The following CADPS2 variants were observed in gnomAD, a reference collection of about 807,000 sequenced individuals.
CADPS2 encodes the protein calcium dependent secretion activator 2.
In CADPS2, 93 loss-of-function variants were observed where a neutral mutation model predicts 172.5. That is an observed-to-expected ratio of 0.54 (90% CI 0.46 to 0.64). The LOEUF (loss-of-function observed/expected upper bound fraction) is 0.64, where lower values mean the gene tolerates loss of function less well. Ranked by LOEUF, CADPS2 falls within the 30% of genes least tolerant of loss-of-function variation. The pLI is 0.00. For missense variants in CADPS2, 1,420 were observed against 1,565.9 expected (o/e 0.91, Z 1.57); for synonymous variants, 546 against 555.2 (o/e 0.98, Z 0.23).
chr7:122,843,925 C>CA (rs1277656132), intron 1 of CADPS2, among the ~76,000 whole-genome samples: 1 of 152,098 alleles, frequency 6.6e-6, no homozygotes, highest in Non-Finnish European at 1.5e-5. Context: ...AGAGGCCCAA[C>CA]AAAAAGGGAA....
chr7:122,744,219 ACC>A (rs1230936023), intron 1 of CADPS2, among the ~76,000 whole-genome samples: 2 of 152,108 alleles, frequency 1.3e-5, no homozygotes, highest in Non-Finnish European at 2.9e-5. Flanking sequence ...CTGAAGTTTC[ACC>A]TTGATTCATG....
chr7:122,637,023 C>T (rs1368128647), intron 3 of CADPS2, among the ~76,000 whole-genome samples: 1 of 151,014 alleles, frequency 6.6e-6, no homozygotes, highest in Non-Finnish European at 1.5e-5. Flanking sequence ...TCATATTTCT[C>T]AAGGGTTTTA....
chr7:122,832,864 G>A (rs1053603519), intron 1 of CADPS2, among the ~76,000 whole-genome samples: 4 of 152,154 alleles, frequency 2.6e-5, no homozygotes, highest in African/African-American at 9.7e-5. Flanking sequence ...CTGAGAATGA[G>A]AGACTGCTGG....
chr7:122,527,617 A>AGAGAGAGAGAGAGAGAGAGAGTGTGT, intron 8 of CADPS2, among the ~76,000 whole-genome samples: 5 of 83,804 alleles, frequency 6.0e-5, no homozygotes, highest in Admixed American at 1.3e-4. Flanking sequence ...AGAGAGAGAG[A>AGAGAGAGAGAGAGAGAGAGAGTGTGT]GTGTGTGTGT....
intron 25 of CADPS2, among the ~76,000 whole-genome samples, chr7:122,373,111 C>T (rs2041962084): frequency 6.6e-6 from 1 of 152,114 alleles, no homozygotes; most frequent in African/African-American, 2.4e-5. Flanking sequence ...GTAGGTACTT[C>T]ATAACTCTTT....
intron 1 of CADPS2, among the ~76,000 whole-genome samples, chr7:122,826,058 C>T (rs1458529032): frequency 2.0e-5 from 3 of 152,164 alleles, no homozygotes; most frequent in Non-Finnish European, 4.4e-5. Context: ...AACTTCAGGT[C>T]CCATACAGCA....
At chr7:122,562,112 C>T (rs1038150779) in intron 7 of CADPS2, among the ~76,000 whole-genome samples, 4 of 152,188 alleles carry the variant, frequency 2.6e-5, no homozygotes, top group African/African-American at 9.6e-5. Context: ...ATGAAACTTT[C>T]ATCCTTCCAT....
intron 1 of CADPS2, among the ~76,000 whole-genome samples, chr7:122,866,775 T>C (rs568889410): frequency 9.8e-5 from 15 of 152,328 alleles, no homozygotes; most frequent in African/African-American, 3.4e-4. Flanking sequence ...GACAAAGAGA[T>C]GTTTTTAGAA....
chr7:122,446,945 C>T (rs1190802001), intron 15 of CADPS2, among the ~76,000 whole-genome samples: 1 of 151,574 alleles, frequency 6.6e-6, no homozygotes, highest in African/African-American at 2.4e-5. Flanking sequence ...ATATTTTTTC[C>T]CATTTTTGGG....
At chr7:122,397,966 G>A (rs1196836083) in intron 20 of CADPS2, among the ~76,000 whole-genome samples, 2 of 152,138 alleles carry the variant, frequency 1.3e-5, no homozygotes, top group Non-Finnish European at 2.9e-5. Flanking sequence ...TTCCCGAAAA[G>A]ATTCCATGTT....
In CADPS2 at chr7:122,465,350, T is replaced by C. The variant is rs1290516640; in HGVS notation, c.2186+6025A>G. Among the ~76,000 whole-genome samples the C allele has an allele frequency of 2.6e-5, 4 of 152,164 alleles. No individual in the cohort carries two copies. In the East Asian group the frequency reaches 7.7e-4, roughly 29 times the overall value. ...ATAAACTACAACAGTTAAAAATCTTTCCACAAATAAATTCCCAAGCCCAGA... is the reference window on the plus strand; with the variant it reads ...ATAAACTACAACAGTTAAAAATCTTCCCACAAATAAATTCCCAAGCCCAGA... On this transcript the variant is annotated intron_variant, in intron 14 of 29. Coordinates refer to ENST00000449022, the MANE Select transcript of CADPS2 (RefSeq NM_017954.11).
intron 28 of CADPS2, among the ~76,000 whole-genome samples, chr7:122,334,243 A>G (rs570296367): frequency 9.9e-5 from 15 of 152,124 alleles, no homozygotes; most frequent in African/African-American, 3.1e-4. Flanking sequence ...TGCTAACACT[A>G]TGAGTTCAGA....
chr7:122,468,607 T>C (rs1211011969), intron 14 of CADPS2, among the ~76,000 whole-genome samples: 1 of 152,244 alleles, frequency 6.6e-6, no homozygotes, highest in East Asian at 1.9e-4. Flanking sequence ...TATTTTATAA[T>C]GATGTAGTAC....
intron 22 of CADPS2, among the ~76,000 whole-genome samples, chr7:122,390,254 T>C (rs1003628867): frequency 6.6e-5 from 10 of 152,146 alleles, no homozygotes; most frequent in African/African-American, 2.4e-4. Flanking sequence ...GACAACACCA[T>C]TCTGATACTA....
intron 1 of CADPS2, among the ~76,000 whole-genome samples, chr7:122,831,278 T>C (rs781462521): frequency 9.8e-5 from 15 of 152,342 alleles, no homozygotes; most frequent in Non-Finnish European, 1.9e-4. Flanking sequence ...AATACACCAC[T>C]ATCTCAAGCA....
intron 28 of CADPS2, among the ~76,000 whole-genome samples, chr7:122,328,148 C>CACACACAT (rs2034254697): frequency 6.8e-6 from 1 of 147,060 alleles, no homozygotes. Flanking sequence ...CACACACACA[C>CACACACAT]ACACACACAC....
At chr7:122,706,909 A>T (rs1302488607) in intron 2 of CADPS2, among the ~76,000 whole-genome samples, 1 of 150,960 alleles carries the variant, frequency 6.6e-6, no homozygotes, top group Non-Finnish European at 1.5e-5. Context: ...TGCTTCACAA[A>T]CCCATGCCTA....
chr7:122,660,146 A>G (rs1184223047), intron 3 of CADPS2, among the ~76,000 whole-genome samples: 1 of 152,202 alleles, frequency 6.6e-6, no homozygotes, highest in Non-Finnish European at 1.5e-5. Flanking sequence ...CTAAAAGATA[A>G]CTGTTCAAAG....
At chr7:122,361,277 A>G (rs1429916408) in intron 25 of CADPS2, among the ~76,000 whole-genome samples, 1 of 136,250 alleles carries the variant, frequency 7.3e-6, no homozygotes, top group Non-Finnish European at 1.5e-5. Flanking sequence ...TCTGTCACCC[A>G]GGCTGGAGTG....
Sources: allele counts gnomAD v4.1 joint callset (sites outside exome capture counted in the v4.1 genomes callset), GRCh38; gene constraint gnomAD v4.1.1; transcripts MANE v1.5; gene names NCBI Gene and HGNC (gene_info 2026-07-23, HGNC 2026-07-21).